B3GALT1: variants seen among roughly 807,000 people sequenced by gnomAD.
The protein encoded by B3GALT1 is UDP-Gal:betaGlcNAc beta 1,3-galactosyltransferase, polypeptide 1.
A neutral mutation model predicts 23.2 loss-of-function variants in B3GALT1; 10 were observed. The observed-to-expected ratio is 0.43, with a 90% CI of 0.27 to 0.73. The LOEUF is 0.73. B3GALT1 is among the 30% of genes least tolerant of loss of function. B3GALT1 has a pLI of 0.21. For missense variants in B3GALT1, 299 were observed against 405.4 expected (o/e 0.74, Z 2.25); for synonymous variants, 156 against 141.5 (o/e 1.10, Z -0.73).
At chr2:167,762,797 G>C (rs1000963060) in intron 3 of B3GALT1, among the ~76,000 whole-genome samples, 5 of 152,160 alleles carry the variant, frequency 3.3e-5, no homozygotes, top group African/African-American at 7.2e-5. Context: ...AAGGACTTCA[G>C]AAGTGGCTCA....
At chr2:167,316,875 A>G (rs1696728450) in intron 1 of B3GALT1, among the ~76,000 whole-genome samples, 1 of 152,160 alleles carries the variant, frequency 6.6e-6, no homozygotes, top group African/African-American at 2.4e-5. Context: ...GAGAGAGTTC[A>G]ATCTAAGATA....
intron 1 of B3GALT1, among the ~76,000 whole-genome samples, chr2:167,372,697 T>C (rs1253774075): frequency 6.6e-6 from 1 of 151,802 alleles, no homozygotes; most frequent in Non-Finnish European, 1.5e-5. Flanking sequence ...AAAGCAAAGT[T>C]ACAAAATGAA....
intron 1 of B3GALT1, among the ~76,000 whole-genome samples, chr2:167,451,195 A>G (rs1454315181): frequency 2.0e-5 from 3 of 152,058 alleles, no homozygotes; most frequent in South Asian, 2.1e-4. Context: ...TTTTTCAAGT[A>G]AATTAGGGAT....
chr2:167,530,515 A>G (rs1683308618), intron 2 of B3GALT1, among the ~76,000 whole-genome samples: 1 of 152,202 alleles, frequency 6.6e-6, no homozygotes, highest in African/African-American at 2.4e-5. Context: ...TCCTTAAATA[A>G]AATGTTAATC....
intron 4 of B3GALT1, among the ~76,000 whole-genome samples, chr2:167,835,001 C>T (rs146098034): frequency 9.9e-5 from 15 of 152,276 alleles, no homozygotes; most frequent in African/African-American, 2.4e-4. Flanking sequence ...TTGATAGATA[C>T]GCCTATGTGA....
At chr2:167,659,915 C>T (rs1048264060) in intron 3 of B3GALT1, among the ~76,000 whole-genome samples, 1 of 151,948 alleles carries the variant, frequency 6.6e-6, no homozygotes, top group Admixed American at 6.6e-5. Context: ...GTGATTATTT[C>T]CCCCAATTCC....
In B3GALT1 at chr2:167,346,777, C is replaced by CGT. The variant is rs1697228844; in HGVS notation, c.-511+53451_-511+53452dup. Among the ~76,000 whole-genome samples, 12 of 148,922 alleles carry CGT rather than the reference C, an allele frequency of 8.1e-5. 1 individual carries two copies. The highest frequency in any genetic ancestry group is 4.5e-5 in the Non-Finnish European group (3 of 67,214). On this transcript the variant is annotated intron_variant, in intron 1 of 4. Transcript: ENST00000392690. ...GGGGTGGTGCGTGTGTGTGTGTGTGCGTGTGTGTGCGTATACCTGTAATTT... is the reference window on the plus strand; with the variant it reads ...GGGGTGGTGCGTGTGTGTGTGTGTGCGTGTGTGTGTGCGTATACCTGTAATTT...
intron 2 of B3GALT1, among the ~76,000 whole-genome samples, chr2:167,617,356 C>A (rs1202386384): frequency 6.6e-6 from 1 of 152,084 alleles, no homozygotes; most frequent in East Asian, 1.9e-4. Context: ...GCAAAACTCA[C>A]ATATTCACTC....
intron 2 of B3GALT1, among the ~76,000 whole-genome samples, chr2:167,563,349 G>A (rs1684058645): frequency 6.3e-5 from 9 of 143,842 alleles, no homozygotes; most frequent in Admixed American, 2.0e-4. Flanking sequence ...GGCTGGCCGG[G>A]CGGGGGGCTG....
intron 1 of B3GALT1, among the ~76,000 whole-genome samples, chr2:167,359,767 C>CT (rs34142201): frequency 0.023 from 3,408 of 146,128 alleles, 131 homozygotes; most frequent in African/African-American, 0.075. Context: ...TGCCCTTCAT[C>CT]TTTTTTTTTT....
intron 1 of B3GALT1, among the ~76,000 whole-genome samples, chr2:167,344,675 G>A (rs1456588241): frequency 6.6e-6 from 1 of 152,186 alleles, no homozygotes; most frequent in Admixed American, 6.5e-5. Context: ...TTATCTATGT[G>A]AGCTCTGGTG....
chr2:167,511,426 C>T (rs1700002241), intron 2 of B3GALT1, among the ~76,000 whole-genome samples: 1 of 152,122 alleles, frequency 6.6e-6, no homozygotes, highest in African/African-American at 2.4e-5. Flanking sequence ...TCTCCTGTCA[C>T]CACGTGAAGA....
chr2:167,550,426 C>A (rs1272775714), intron 2 of B3GALT1, among the ~76,000 whole-genome samples: 1 of 152,192 alleles, frequency 6.6e-6, no homozygotes, highest in Non-Finnish European at 1.5e-5. Flanking sequence ...TCCACATGTT[C>A]TCTTCCAGCA....
intron 2 of B3GALT1, among the ~76,000 whole-genome samples, chr2:167,578,323 C>A (rs1036965109): frequency 6.6e-6 from 1 of 151,864 alleles, no homozygotes; most frequent in Non-Finnish European, 1.5e-5. Flanking sequence ...CTAGGACTAT[C>A]GAAGGACAAA....
chr2:167,452,533 G>T (rs1025909440), intron 1 of B3GALT1, among the ~76,000 whole-genome samples: 1 of 152,102 alleles, frequency 6.6e-6, no homozygotes, highest in Non-Finnish European at 1.5e-5. Flanking sequence ...CACACTTTGG[G>T]CACTCACAGT....
intron 1 of B3GALT1, among the ~76,000 whole-genome samples, chr2:167,353,951 T>A (rs1315477045): frequency 6.6e-6 from 1 of 152,134 alleles, no homozygotes; most frequent in Non-Finnish European, 1.5e-5. Context: ...CATTGTGAAA[T>A]CTTAAGGAGC....
intron 1 of B3GALT1, among the ~76,000 whole-genome samples, chr2:167,445,027 C>G (rs1698958382): frequency 6.6e-6 from 1 of 152,220 alleles, no homozygotes; most frequent in South Asian, 2.1e-4. Context: ...CCTCTACACA[C>G]TGCTTTAAAT....
At chr2:167,410,044 T>G (rs974423352) in intron 1 of B3GALT1, among the ~76,000 whole-genome samples, 1 of 152,094 alleles carries the variant, frequency 6.6e-6, no homozygotes, top group African/African-American at 2.4e-5. Context: ...CCATCAATGA[T>G]AGACTGGATG....
chr2:167,682,392 A>T (rs1391361480), intron 3 of B3GALT1, among the ~76,000 whole-genome samples: 1 of 152,208 alleles, frequency 6.6e-6, no homozygotes, highest in Non-Finnish European at 1.5e-5. Flanking sequence ...TTCTGCTGCC[A>T]TGTTATCACA....
Sources: gnomAD v4.1 joint callset for allele counts (sites outside exome capture counted in the v4.1 genomes callset) on GRCh38, gnomAD v4.1.1 for gene constraint, MANE v1.5 for transcripts, NCBI Gene and HGNC (gene_info 2026-07-23, HGNC 2026-07-21) for gene names.